The following DRC11 variants were observed in gnomAD, a reference collection of about 807,000 sequenced individuals.
DRC11 encodes the protein dynein regulatory complex subunit 11, also known as IQ and AAA domain-containing protein 1.
chr2:236,356,740 C>T, the DRC11 span, among the ~76,000 whole-genome samples: 5 of 151,832 alleles, frequency 3.3e-5, no homozygotes, highest in Non-Finnish European at 7.4e-5. Flanking sequence ...CCGCTGTCCC[C>T]TGGTTTACTA....
the DRC11 span, among the ~76,000 whole-genome samples, chr2:236,353,719 G>A: frequency 2.6e-5 from 4 of 152,094 alleles, no homozygotes; most frequent in African/African-American, 9.7e-5. The surrounding 1 kb of genome is among the most constrained non-coding windows in gnomAD (Gnocchi z 5.0). Context: ...GTGTCTGGGA[G>A]TTGGGAGACA....
the DRC11 span, among the ~76,000 whole-genome samples, chr2:236,373,258 C>CTTTTT: frequency 7.2e-6 from 1 of 139,050 alleles, no homozygotes; most frequent in Non-Finnish European, 1.6e-5. Context: ...TGTATATTAA[C>CTTTTT]TTTTTTTTTT....
chr2:236,380,221 G>T, the DRC11 span, among the ~76,000 whole-genome samples: 3 of 152,292 alleles, frequency 2.0e-5, no homozygotes, highest in South Asian at 6.2e-4. This position sits in a 1 kb window ranked among gnomAD's most constrained non-coding sequence, Gnocchi z 4.9. Flanking sequence ...CAGCAGAGGC[G>T]CTCGGGCAGA....
At chr2:236,430,235 G>T in the DRC11 span, among the ~76,000 whole-genome samples, 2 of 151,358 alleles carry the variant, frequency 1.3e-5, no homozygotes, top group Non-Finnish European at 2.9e-5. This position sits in a 1 kb window ranked among gnomAD's most constrained non-coding sequence, Gnocchi z 6.0. Flanking sequence ...AGAGCACACT[G>T]GCATTGTTGT....
chr2:236,403,333 G>A, the DRC11 span, among the ~76,000 whole-genome samples: 930 of 152,144 alleles, frequency 6.1e-3, 9 homozygotes, highest in African/African-American at 0.021. Flanking sequence ...GAGGCAGAGA[G>A]AAGAGGGAGG....
At chr2:236,392,234 G>A in the DRC11 span, 182 of 1,547,820 alleles carry the variant, frequency 1.2e-4, no homozygotes, top group Middle Eastern at 1.7e-4. The surrounding 1 kb of genome is among the most constrained non-coding windows in gnomAD (Gnocchi z 5.1). Context: ...CACCATAAAC[G>A]TAGCTGTACC....
At chr2:236,491,192 ATATATATATATATATATATACACACAG>A in the DRC11 span, among the ~76,000 whole-genome samples, 75 of 49,638 alleles carry the variant, frequency 1.5e-3, 4 homozygotes, top group African/African-American at 7.5e-3. Flanking sequence ...CACACAGTAT[ATATATATATATATATATATACACACAG>A]TATATATATA....
the DRC11 span, among the ~76,000 whole-genome samples, chr2:236,501,238 G>A: frequency 6.6e-6 from 1 of 152,060 alleles, no homozygotes; most frequent in Non-Finnish European, 1.5e-5. Flanking sequence ...TGGCACAAAA[G>A]GGGAAATCCA....
At chr2:236,457,122 G>A in the DRC11 span, among the ~76,000 whole-genome samples, 8 of 152,264 alleles carry the variant, frequency 5.3e-5, no homozygotes, top group Admixed American at 3.3e-4. This position sits in a 1 kb window ranked among gnomAD's most constrained non-coding sequence, Gnocchi z 4.7. Flanking sequence ...AGACCTAGAC[G>A]GCAGTTCAAG....
At chr2:236,315,594 G>A in the DRC11 span, among the ~76,000 whole-genome samples, 3 of 152,136 alleles carry the variant, frequency 2.0e-5, no homozygotes, top group African/African-American at 7.2e-5. This position sits in a 1 kb window ranked among gnomAD's most constrained non-coding sequence, Gnocchi z 5.1. Flanking sequence ...CAAAGACATG[G>A]ACTCAACCCA....
At chr2:236,387,695 T>C in the DRC11 span, among the ~76,000 whole-genome samples, 1 of 151,974 alleles carries the variant, frequency 6.6e-6, no homozygotes, top group East Asian at 1.9e-4. Flanking sequence ...GTGAATTTGA[T>C]CCTGTCATTA....
At chr2:236,397,572 G>A in the DRC11 span, among the ~76,000 whole-genome samples, 2 of 152,228 alleles carry the variant, frequency 1.3e-5, no homozygotes, top group Non-Finnish European at 2.9e-5. This position sits in a 1 kb window ranked among gnomAD's most constrained non-coding sequence, Gnocchi z 5.0. Context: ...AAACAAATTA[G>A]TAAGTTACCT....
At chr2:236,448,524 C>CG in the DRC11 span, among the ~76,000 whole-genome samples, 1 of 151,900 alleles carries the variant, frequency 6.6e-6, no homozygotes, top group Non-Finnish European at 1.5e-5. This position sits in a 1 kb window ranked among gnomAD's most constrained non-coding sequence, Gnocchi z 5.3. Context: ...TTAGTAGATA[C>CG]GGGGTCTCAC....
At chr2:236,371,081 G>C in the DRC11 span, among the ~76,000 whole-genome samples, 2 of 152,108 alleles carry the variant, frequency 1.3e-5, no homozygotes, top group African/African-American at 2.4e-5. The surrounding 1 kb of genome is among the most constrained non-coding windows in gnomAD (Gnocchi z 5.1). Context: ...TTCCTGGCCT[G>C]GTGGAGACAT....
At chr2:236,319,206 G>A in the DRC11 span, among the ~76,000 whole-genome samples, 1 of 152,180 alleles carries the variant, frequency 6.6e-6, no homozygotes, top group East Asian at 1.9e-4. This position sits in a 1 kb window ranked among gnomAD's most constrained non-coding sequence, Gnocchi z 6.7. Context: ...GGTCTGCTTT[G>A]GGCACTCAGC....
chr2:236,499,497 T>G, the DRC11 span, among the ~76,000 whole-genome samples: 1 of 152,196 alleles, frequency 6.6e-6, no homozygotes, highest in Non-Finnish European at 1.5e-5. The surrounding 1 kb of genome is among the most constrained non-coding windows in gnomAD (Gnocchi z 4.7). Context: ...GGCACGATCT[T>G]GGCTCACTGC....
the DRC11 span, chr2:236,324,707 T>C: frequency 1.3e-6 from 2 of 1,592,128 alleles, no homozygotes; most frequent in South Asian, 1.1e-5. The surrounding 1 kb of genome is among the most constrained non-coding windows in gnomAD (Gnocchi z 5.7). Context: ...TTTCCCTTTG[T>C]CCTTTGCCTT....
chr2:236,448,741 G>C, the DRC11 span, among the ~76,000 whole-genome samples: 1 of 152,246 alleles, frequency 6.6e-6, no homozygotes, highest in Non-Finnish European at 1.5e-5. The surrounding 1 kb of genome is among the most constrained non-coding windows in gnomAD (Gnocchi z 5.3). Context: ...AAGGCAGCGG[G>C]ACAAGGCTGG....
chr2:236,403,969 C>T, the DRC11 span, among the ~76,000 whole-genome samples: 1 of 152,046 alleles, frequency 6.6e-6, no homozygotes, highest in Non-Finnish European at 1.5e-5. Flanking sequence ...ACACACGTTT[C>T]CCCGAATAGA....
Sources: gnomAD v4.1 joint callset for allele counts (sites outside exome capture counted in the v4.1 genomes callset) on GRCh38, gnomAD v4.1.1 for gene constraint, Gnocchi (gnomAD v3.1) non-coding constraint, MANE v1.5 for transcripts, NCBI Gene and HGNC (gene_info 2026-07-23, HGNC 2026-07-21) for gene names.